The following CADPS2 variants were observed in gnomAD, a reference collection of about 807,000 sequenced individuals.
CADPS2 encodes the protein calcium dependent secretion activator 2.
Under a neutral mutation model 172.5 loss-of-function variants are expected in CADPS2, and 93 were observed. The ratio of observed to expected loss-of-function variants is 0.54; its 90% CI spans 0.46 to 0.64. CADPS2 has a LOEUF of 0.64. CADPS2 is among the 30% of genes least tolerant of loss of function. The pLI is 0.00. For missense variants in CADPS2, 1,420 were observed against 1,565.9 expected (o/e 0.91, Z 1.57); for synonymous variants, 546 against 555.2 (o/e 0.98, Z 0.23).
chr7:122,663,391 T>G lies in CADPS2; in HGVS notation c.632A>C (p.Tyr211Ser). The G allele has an allele frequency of 6.2e-7, 1 of 1,613,970 alleles. No homozygotes were observed. The highest frequency in any genetic ancestry group is 8.5e-7 in the Non-Finnish European group (1 of 1,179,894). ...TTTGCACAAGTCCTCTTCACCTCTG[T>G]AAATGGCATCATATTTGGCTATCCA... Reference protein sequence around the residue: ...SSWIAKYDAIYRGEEDLCKQP... With the variant: ...SSWIAKYDAISRGEEDLCKQP... Residue 211 changes from tyrosine to serine, a missense_variant, in exon 3 of 30, where the codon TAC (tyrosine) becomes TCC (serine). Coordinates refer to ENST00000449022, the MANE Select transcript of CADPS2 (RefSeq NM_017954.11).
intron 2 of CADPS2, among the ~76,000 whole-genome samples, chr7:122,666,237 G>A (rs1220043033): frequency 6.6e-6 from 1 of 152,056 alleles, no homozygotes. Flanking sequence ...ATCTCAAGGT[G>A]GAACTCAGGG....
At chr7:122,716,616 C>T (rs2089644415) in intron 2 of CADPS2, among the ~76,000 whole-genome samples, 1 of 152,114 alleles carries the variant, frequency 6.6e-6, no homozygotes, top group Non-Finnish European at 1.5e-5. Flanking sequence ...CAACATGGCA[C>T]ATGTATACAT....
intron 1 of CADPS2, among the ~76,000 whole-genome samples, chr7:122,885,165 C>T (rs1485819798): frequency 6.6e-6 from 1 of 152,144 alleles, no homozygotes; most frequent in Non-Finnish European, 1.5e-5. Flanking sequence ...AGTCATTACT[C>T]GTGTCTGGTA....
chr7:122,733,228 C>T (rs1197063184), intron 2 of CADPS2, among the ~76,000 whole-genome samples: 1 of 151,682 alleles, frequency 6.6e-6, no homozygotes, highest in Non-Finnish European at 1.5e-5. Context: ...AAAGAAATTT[C>T]ATTACAATAC....
intron 1 of CADPS2, among the ~76,000 whole-genome samples, chr7:122,874,883 A>G (rs562195172): frequency 6.6e-6 from 1 of 152,334 alleles, no homozygotes; most frequent in African/African-American, 2.4e-5. Flanking sequence ...AAATTAACTC[A>G]AGATGGATTA....
chr7:122,568,204 G>T (rs1184727505), intron 7 of CADPS2, among the ~76,000 whole-genome samples: 1 of 152,034 alleles, frequency 6.6e-6, no homozygotes, highest in Non-Finnish European at 1.5e-5. Flanking sequence ...TTCAAGACCA[G>T]CCTGGGCAAC....
At chr7:122,325,403 T>C (rs1206886428) in intron 29 of CADPS2, 74 bp downstream of exon 29, 2 of 923,902 alleles carry the variant, frequency 2.2e-6, no homozygotes, top group Non-Finnish European at 3.4e-6. Context: ...AATACAGTTT[T>C]CTTGTATGTC....
At position 122,491,277 on chromosome 7, in the gene CADPS2, T is replaced by C. The variant is rs371386193; in HGVS notation, c.1651+35A>G. On this transcript the variant is annotated intron_variant, in intron 10 of 29. Coordinates refer to ENST00000449022, the MANE Select transcript of CADPS2 (RefSeq NM_017954.11). ...TATTTATAAGAATTCCATGCATACA[T>C]ACATGGCAGGAAAAGTGATTCAATT... The C allele has an allele frequency of 1.4e-4, 190 of 1,386,216 alleles. 1 individual carries two copies. The highest frequency in any genetic ancestry group is 3.5e-4 in the South Asian group (28 of 80,010). The allele number at this position is 1,386,216 out of a possible 1,614,324, so 85.9% of individuals were successfully genotyped here.
intron 1 of CADPS2, among the ~76,000 whole-genome samples, chr7:122,834,813 G>A (rs550235090): frequency 6.6e-5 from 10 of 152,280 alleles, no homozygotes; most frequent in African/African-American, 2.2e-4. Flanking sequence ...GGAGCCCACC[G>A]CAGCTCAAGG....
chr7:122,693,692 G>A (rs72607713), intron 2 of CADPS2, among the ~76,000 whole-genome samples: 10,109 of 151,928 alleles, frequency 0.067, 383 homozygotes, highest in South Asian at 0.17. Context: ...GTAGTGGCTC[G>A]TGCCTATAAA....
At chr7:122,721,594 G>A (rs1462759308) in intron 2 of CADPS2, among the ~76,000 whole-genome samples, 5 of 152,048 alleles carry the variant, frequency 3.3e-5, no homozygotes, top group East Asian at 1.9e-4. Flanking sequence ...ATTCACAGCC[G>A]AATTCTACCA....
chr7:122,773,734 TA>T (rs1177221548), intron 1 of CADPS2, among the ~76,000 whole-genome samples: 1 of 152,116 alleles, frequency 6.6e-6, no homozygotes, highest in African/African-American at 2.4e-5. Context: ...AGTACCTTTT[TA>T]AAACCTTCTT....
intron 3 of CADPS2, among the ~76,000 whole-genome samples, chr7:122,633,606 T>C (rs2076784292): frequency 6.6e-6 from 1 of 152,010 alleles, no homozygotes; most frequent in East Asian, 1.9e-4. Context: ...GCAGAGTCTT[T>C]AGGGGTTTTC....
At chr7:122,420,238 TAGAA>T (rs1423266259) in intron 17 of CADPS2, among the ~76,000 whole-genome samples, 2 of 152,214 alleles carry the variant, frequency 1.3e-5, no homozygotes, top group Non-Finnish European at 2.9e-5. Flanking sequence ...TATGGAATAA[TAGAA>T]AGGAATCACA....
intron 1 of CADPS2, among the ~76,000 whole-genome samples, chr7:122,745,517 T>C (rs2092684632): frequency 6.6e-6 from 1 of 151,658 alleles, no homozygotes; most frequent in African/African-American, 2.4e-5. Context: ...CAATGTGTTG[T>C]ATACAGCTTG....
chr7:122,621,090 C>G (rs1275091406), intron 5 of CADPS2, among the ~76,000 whole-genome samples: 1 of 151,372 alleles, frequency 6.6e-6, no homozygotes, highest in Non-Finnish European at 1.5e-5. Flanking sequence ...TTTTTAGAAA[C>G]AGGGTCTCAC....
Position 122,454,550 on chromosome 7 carries a change from C to A in CADPS2, c.2187-3075G>T, listed in dbSNP as rs1022283133. Among the ~76,000 whole-genome samples the A allele has an allele frequency of 5.3e-5, 8 of 152,254 alleles. No individual in the cohort carries two copies. In the South Asian group the frequency reaches 1.7e-3, roughly 32 times the overall value. ...CTTACATTAGACATTTTCTATCTGA[C>A]TTGTCTAAGGTGGAGACGTTAAAAA... On this transcript the variant is annotated intron_variant, in intron 14 of 29. Transcript: ENST00000449022.
At chr7:122,673,052 G>A (rs936343436) in intron 2 of CADPS2, among the ~76,000 whole-genome samples, 1 of 152,170 alleles carries the variant, frequency 6.6e-6, no homozygotes, top group Non-Finnish European at 1.5e-5. Context: ...ACAAGGCATC[G>A]CCTCTGGAAT....
chr7:122,695,864 G>A (rs1398645570), intron 2 of CADPS2, among the ~76,000 whole-genome samples: 1 of 152,216 alleles, frequency 6.6e-6, no homozygotes, highest in Non-Finnish European at 1.5e-5. Context: ...AAGGAAAAAT[G>A]AACAAGGATG....
Sources: allele counts gnomAD v4.1 joint callset (sites outside exome capture counted in the v4.1 genomes callset), GRCh38; gene constraint gnomAD v4.1.1; transcripts MANE v1.5; gene names NCBI Gene and HGNC (gene_info 2026-07-23, HGNC 2026-07-21).